CACNA1B: variants seen among roughly 807,000 people sequenced by gnomAD.
CACNA1B encodes the protein calcium voltage-gated channel subunit alpha1 B.
A neutral mutation model predicts 247.2 loss-of-function variants in CACNA1B; 70 were observed. That is an observed-to-expected ratio of 0.28 (90% CI 0.23 to 0.35). The LOEUF is 0.35. Ranked by LOEUF, CACNA1B falls within the 10% of genes least tolerant of loss-of-function variation. The pLI is 1.00. For synonymous variants in CACNA1B, 1,231 were observed against 1,294.4 expected (o/e 0.95, Z 1.05); for missense variants, 2,367 against 3,197.4 (o/e 0.74, Z 6.26).
intron 18 of CACNA1B, 122 bp downstream of exon 18, chr9:138,013,357 G>A (rs1246495480): frequency 3.0e-6 from 2 of 658,436 alleles, no homozygotes; most frequent in Non-Finnish European, 5.1e-6. Flanking sequence ...CTTGGCGGGT[G>A]AGGACACAGC....
intron 15 of CACNA1B, among the ~76,000 whole-genome samples, chr9:138,000,306 G>T (rs7022776): frequency 6.6e-6 from 1 of 151,822 alleles, no homozygotes; most frequent in African/African-American, 2.4e-5. Flanking sequence ...CACCGTGTTA[G>T]CCAGGATGGT....
In CACNA1B at chr9:138,057,525, AG is replaced by A. The variant is rs1278768138; in HGVS notation, c.3969-205del. Among the ~76,000 whole-genome samples, 7 of 152,228 alleles carry A rather than the reference AG, an allele frequency of 4.6e-5. No homozygotes were observed. Among genetic ancestry groups the A allele is most frequent in the Admixed American group, 1.3e-4 (2 of 15,274 alleles). On this transcript the variant is annotated intron_variant, in intron 26 of 46. Transcript: ENST00000371372. The surrounding 1 kb of genome is among the most constrained non-coding windows in gnomAD (Gnocchi z 4.0). ...TTTATAGTTTTAGCTCCTTACACTT[AG>A]GTCTGGAATCCATCATGAGTTAATT...
rs1382122897 is a variant in CACNA1B at position 138,113,712 on chromosome 9, C to T, written c.5537-666C>T. Among the ~76,000 whole-genome samples, 21 of 84,924 alleles carry T rather than the reference C, an allele frequency of 2.5e-4. No individual in the cohort carries two copies. The East Asian group carries it at 2.6e-3, about 11-fold the overall frequency. 55.7% of individuals were successfully genotyped at this position (84,924 alleles called of 152,430 possible). ...CAGGAAGGTGCCCAACTGCATCTTG[C>T]GGGAGACGTGAGGGAGTGCCGGGAG... On this transcript the variant is annotated intron_variant, in intron 40 of 46. Transcript: ENST00000371372.
intron 3 of CACNA1B, among the ~76,000 whole-genome samples, chr9:137,884,090 G>T (rs1438770500): frequency 1.3e-5 from 2 of 152,076 alleles, no homozygotes; most frequent in Non-Finnish European, 2.9e-5. Context: ...CCGGGGTGCT[G>T]CCCCCATCTG....
At chr9:137,920,251 C>T (rs1023220889) in intron 6 of CACNA1B, among the ~76,000 whole-genome samples, 4 of 152,038 alleles carry the variant, frequency 2.6e-5, no homozygotes, top group South Asian at 2.1e-4. Flanking sequence ...TGCTGGAATG[C>T]GATGGCACGA....
chr9:137,886,195 G>A (rs1957009179), intron 3 of CACNA1B, among the ~76,000 whole-genome samples: 1 of 152,024 alleles, frequency 6.6e-6, no homozygotes, highest in African/African-American at 2.4e-5. Flanking sequence ...GGGTGGGGTC[G>A]GGGCTGAGCC....
At chr9:138,090,414 CAA>C (rs1196396227) in intron 36 of CACNA1B, among the ~76,000 whole-genome samples, 3 of 151,930 alleles carry the variant, frequency 2.0e-5, no homozygotes, top group Non-Finnish European at 4.4e-5. Context: ...CAAAATGGAT[CAA>C]AGACTTAAAT....
chr9:138,102,837 A>C lies in CACNA1B; in HGVS notation c.5319+30A>C. On this transcript the variant is annotated intron_variant, in intron 38 of 46. Transcript: ENST00000371372. This position sits in a 1 kb window ranked among gnomAD's most constrained non-coding sequence, Gnocchi z 5.4. ...ACCCTGACCCTGCAACCCGCCCCCC[A>C]GGAGGCTGTGTGTGCTTGCTGAGGG... The C allele has an allele frequency of 4.8e-6, 7 of 1,447,454 alleles. No individual in the cohort carries two copies. Among genetic ancestry groups the C allele is most frequent in the Non-Finnish European group, 6.8e-6 (7 of 1,035,632 alleles). 89.7% of individuals were successfully genotyped at this position (1,447,454 alleles called of 1,614,324 possible).
rs1960153427 is a variant in CACNA1B, at chr9:138,072,112, C to T, written c.4675-1376C>T. Among the ~76,000 whole-genome samples the T allele has an allele frequency of 1.3e-5, 2 of 152,188 alleles. No individual in the cohort carries two copies. Among genetic ancestry groups the T allele is most frequent in the South Asian group, 2.1e-4 (1 of 4,830 alleles). Reference sequence around the variant, plus strand: ...ACTTGTGCTGCCCTCTGGGGTCACACCCTGAGGTCTACTGCTGCCGCCTTG... The same window carrying T: ...ACTTGTGCTGCCCTCTGGGGTCACATCCTGAGGTCTACTGCTGCCGCCTTG... On this transcript the variant is annotated intron_variant, in intron 32 of 46. Transcript: ENST00000371372. This position sits in a 1 kb window ranked among gnomAD's most constrained non-coding sequence, Gnocchi z 4.5.
chr9:138,042,715 C>G lies in CACNA1B; in HGVS notation c.3287-1059C>G, dbSNP rs1032263023. On this transcript the variant is annotated intron_variant, in intron 20 of 46. Transcript: ENST00000371372. ...CTGGTTATCTTGGCTCTGGAGCCAG[C>G]ATCCTCGGTGGTATAGACCCCACTG... Among the ~76,000 whole-genome samples, 39 of 152,286 alleles carry G rather than the reference C, an allele frequency of 2.6e-4. 1 individual carries two copies. The East Asian group carries it at 6.8e-3, about 26-fold the overall frequency.
chr9:137,998,365 C>T (rs1958523671), intron 15 of CACNA1B, among the ~76,000 whole-genome samples: 1 of 152,190 alleles, frequency 6.6e-6, no homozygotes, highest in Non-Finnish European at 1.5e-5. Context: ...AATCCCAGCA[C>T]TTTGGGAGGC....
intron 15 of CACNA1B, among the ~76,000 whole-genome samples, 195 bp downstream of exon 15, chr9:137,987,049 C>A (rs994801682): frequency 1.3e-5 from 2 of 152,232 alleles, no homozygotes; most frequent in Non-Finnish European, 2.9e-5. Flanking sequence ...TCCGGGGGCC[C>A]CAGCCCCTAC....
Position 138,073,441 on chromosome 9 carries a change from G to A in CACNA1B, c.4675-47G>A, listed in dbSNP as rs376064348. 24 of 1,207,934 alleles carry A rather than the reference G, an allele frequency of 2.0e-5. No homozygotes were observed. The highest frequency in any genetic ancestry group is 7.5e-5 in the African/African-American group (5 of 67,046). 74.8% of individuals were successfully genotyped at this position (1,207,934 alleles called of 1,614,324 possible). A position where few individuals can be genotyped will look rare whatever the true frequency, so the allele number is the denominator to read the frequency against. On this transcript the variant is annotated intron_variant, in intron 32 of 46. Coordinates refer to ENST00000371372, the MANE Select transcript of CACNA1B (RefSeq NM_000718.4). This position sits in a 1 kb window ranked among gnomAD's most constrained non-coding sequence, Gnocchi z 6.4. The stretch of plus-strand genomic sequence containing the variant: ...TGTAGGGTGGCAGCAGCTTGCCTGC[G>A]CTTTCGGGGCTTCTGAAGGTCAGAG...
chr9:138,009,657 G>A (rs950998904), intron 16 of CACNA1B, among the ~76,000 whole-genome samples: 17 of 152,298 alleles, frequency 1.1e-4, no homozygotes, highest in Non-Finnish European at 2.4e-4. Context: ...ATGGGCCCTC[G>A]TTAGGAGGCA....
intron 31 of CACNA1B, among the ~76,000 whole-genome samples, chr9:138,064,401 G>A (rs894928966): frequency 1.3e-5 from 2 of 152,198 alleles, no homozygotes; most frequent in Non-Finnish European, 2.9e-5. Flanking sequence ...GTGGACCCTG[G>A]ATCTGAAAAC....
At chr9:138,055,856 C>T (rs1403511311) in intron 26 of CACNA1B, among the ~76,000 whole-genome samples, 1 of 152,046 alleles carries the variant, frequency 6.6e-6, no homozygotes, top group Non-Finnish European at 1.5e-5. Context: ...GAAACCCTGT[C>T]TCTACTAAAA....
Position 137,890,569 on chromosome 9 carries a change from A to C in CACNA1B, c.530+7686A>C, listed in dbSNP as rs4876914. 152 of 150,486 alleles carry C rather than the reference A, an allele frequency of 1.0e-3. 4 individuals are homozygous for C. Among genetic ancestry groups the C allele is most frequent in the African/African-American group, 3.5e-3 (144 of 41,396 alleles). The allele number at this position is 150,486 out of a possible 1,614,324, so 9.3% of individuals were successfully genotyped here. A position where few individuals can be genotyped will look rare whatever the true frequency, so the allele number is the denominator to read the frequency against. On this transcript the variant is annotated intron_variant, in intron 3 of 46. Transcript: ENST00000371372. ...CTGCCAACGGCAAAGTCCCCATGCC[A>C]CAGGATCCACTCTGTGCTCCAGGCC...
At position 137,882,683 on chromosome 9, in the gene CACNA1B, C is replaced by T; in HGVS notation, c.391-61C>T. 1 of 1,603,048 alleles carries T rather than the reference C, an allele frequency of 6.2e-7. No individual in the cohort carries two copies. On this transcript the variant is annotated intron_variant, in intron 2 of 46. Coordinates refer to ENST00000371372, the MANE Select transcript of CACNA1B (RefSeq NM_000718.4). This position sits in a 1 kb window ranked among gnomAD's most constrained non-coding sequence, Gnocchi z 4.0. The stretch of plus-strand genomic sequence containing the variant: ...GTGGGGTGGGGTCCTCACCAACCGT[C>T]TCTGCCCGCTACTACACCGGGTAGG...
rs562870027 is a variant in CACNA1B at position 137,978,018 on chromosome 9, C to G, written c.1656+1999C>G. On this transcript the variant is annotated intron_variant, in intron 12 of 46. Transcript: ENST00000371372. ...GAGTGACAGGTGGGAGCACTGCCCCCCCAGGAAGGAGTGAAGGGTGGGAGC... is the reference window on the plus strand; with the variant it reads ...GAGTGACAGGTGGGAGCACTGCCCCGCCAGGAAGGAGTGAAGGGTGGGAGC... 4.1e-5 allele frequency among the ~76,000 whole-genome samples: 6 copies of G among 147,756 alleles called. 1 individual carries two copies. Among genetic ancestry groups the G allele is most frequent in the Non-Finnish European group, 9.0e-5 (6 of 66,772 alleles).
Sources: allele counts gnomAD v4.1 joint callset (sites outside exome capture counted in the v4.1 genomes callset), GRCh38; gene constraint gnomAD v4.1.1; non-coding constraint Gnocchi (gnomAD v3.1); transcripts MANE v1.5; gene names NCBI Gene and HGNC (gene_info 2026-07-23, HGNC 2026-07-21).